EIF2AK4: variants seen among roughly 807,000 people sequenced by gnomAD.
EIF2AK4 encodes eukaryotic translation initiation factor 2 alpha kinase 4.
In EIF2AK4, 139 loss-of-function variants were observed where a neutral mutation model predicts 211.1. The ratio of observed to expected loss-of-function variants is 0.66; its 90% CI spans 0.57 to 0.76. The LOEUF is 0.76. Ranked by LOEUF, EIF2AK4 falls within the 30% of genes least tolerant of loss-of-function variation. The pLI, the probability that EIF2AK4 is intolerant of heterozygous loss-of-function variation, is 0.00. For synonymous variants in EIF2AK4, 710 were observed against 751.3 expected, an observed-to-expected ratio of 0.94 and a Z score of 0.90; for missense variants, 1,664 against 2,043.8, an observed-to-expected ratio of 0.81 and a Z score of 3.58.
intron 18 of EIF2AK4, among the ~76,000 whole-genome samples, chr15:39,995,693 T>G (rs544158259): frequency 1.3e-5 from 2 of 152,282 alleles, no homozygotes; most frequent in Non-Finnish European, 2.9e-5. Context: ...TTTTTATTTT[T>G]ATTTATTTTT....
In EIF2AK4 at chr15:40,030,345, T is replaced by A. The variant is rs537171279; in HGVS notation, c.4562-14T>A. ...CAGATAAGGCCATAAATTCTGAAAC[T>A]CTCTTGGTCTCAGGTTTGTTTGAAA... is the stretch of plus-strand genomic sequence containing the variant. On this transcript the variant is annotated splice_polypyrimidine_tract_variant and intron_variant, in intron 34 of 38. Coordinates refer to ENST00000263791, the MANE Select transcript of EIF2AK4 (RefSeq NM_001013703.4). The A allele has an allele frequency of 4.2e-5, 67 of 1,611,934 alleles. No individual in the cohort carries two copies. Among genetic ancestry groups the A allele is most frequent in the Non-Finnish European group, 5.7e-5 (67 of 1,178,768 alleles).
At chr15:40,000,142 A>G (rs1202398247) in intron 20 of EIF2AK4, among the ~76,000 whole-genome samples, 3 of 152,180 alleles carry the variant, frequency 2.0e-5, no homozygotes, top group Non-Finnish European at 4.4e-5. Context: ...TCAATAGGGT[A>G]TTCTTGTTTT....
chr15:40,007,518 C>T (rs2035177667), intron 24 of EIF2AK4, among the ~76,000 whole-genome samples: 2 of 152,164 alleles, frequency 1.3e-5, no homozygotes, highest in South Asian at 2.1e-4. Context: ...GAACGCTGAG[C>T]GCTGAGGACC....
At chr15:39,972,481 C>G (rs1043426980) in intron 9 of EIF2AK4, among the ~76,000 whole-genome samples, 6 of 152,160 alleles carry the variant, frequency 3.9e-5, no homozygotes, top group Non-Finnish European at 8.8e-5. Flanking sequence ...TAAAGCTCGT[C>G]ATACTGAGCC....
intron 31 of EIF2AK4, 64 bp downstream of exon 31, chr15:40,021,091 C>T (rs2035381435): frequency 1.3e-6 from 2 of 1,573,604 alleles, no homozygotes; most frequent in Non-Finnish European, 8.7e-7. Flanking sequence ...GGCAAATATC[C>T]TCTGCACCTA....
In EIF2AK4 at chr15:39,972,274, C is replaced by G. The variant is rs138851601; in HGVS notation, c.1554-634C>G. Among the ~76,000 whole-genome samples, 471 of 150,074 alleles carry G rather than the reference C, an allele frequency of 3.1e-3. 5 individuals are homozygous for G. The highest frequency in any genetic ancestry group is 0.011 in the African/African-American group (448 of 40,782). On this transcript the variant is annotated intron_variant, in intron 9 of 38. Coordinates refer to ENST00000263791, the MANE Select transcript of EIF2AK4 (RefSeq NM_001013703.4). ...CTGAGATGGGAGGATTGCTTGAGCC[C>G]GGGAGGCAGAAGTTGGAATGAGCTG...
Position 40,001,241 on chromosome 15 carries a change from C to T in EIF2AK4, c.3159+17C>T. 1 of 1,610,418 alleles carries T rather than the reference C, an allele frequency of 6.2e-7. No homozygotes were observed. Among genetic ancestry groups the T allele is most frequent in the Non-Finnish European group, 8.5e-7 (1 of 1,178,394 alleles). On this transcript the variant is annotated intron_variant, in intron 21 of 38. Coordinates refer to ENST00000263791, the MANE Select transcript of EIF2AK4 (RefSeq NM_001013703.4). ...ATACTGAAGGTGGGCTTAAGCCACG[C>T]TGCACAAAGGGAGCTTCACCTTGTC...
chr15:40,001,332 G>A (rs2035088357), intron 21 of EIF2AK4, 108 bp downstream of exon 21: 1 of 1,106,526 alleles, frequency 9.0e-7, no homozygotes, highest in South Asian at 1.5e-5. Flanking sequence ...TCTTATGTGA[G>A]GTATTGGAAG....
At chr15:39,966,128 A>G (rs73388504) in intron 8 of EIF2AK4, among the ~76,000 whole-genome samples, 1 of 152,094 alleles carries the variant, frequency 6.6e-6, no homozygotes, top group East Asian at 1.9e-4. Flanking sequence ...ACTAAATACT[A>G]GTTCATAATT....
intron 32 of EIF2AK4, among the ~76,000 whole-genome samples, chr15:40,025,393 G>A (rs1020863300): frequency 6.6e-6 from 1 of 152,222 alleles, no homozygotes; most frequent in Non-Finnish European, 1.5e-5. Context: ...ATGGAATAGA[G>A]TGAGGGAGAA....
At chr15:39,956,204 C>T (rs573974759) in intron 6 of EIF2AK4, among the ~76,000 whole-genome samples, 83 of 152,148 alleles carry the variant, frequency 5.5e-4, no homozygotes, top group African/African-American at 2.0e-3. Context: ...TGGGGTTTCA[C>T]TGTGTTGGCC....
At chr15:40,029,831 C>T (rs958112290) in intron 34 of EIF2AK4, among the ~76,000 whole-genome samples, 3 of 152,198 alleles carry the variant, frequency 2.0e-5, no homozygotes, top group East Asian at 3.8e-4. Context: ...ATTTTGTTTT[C>T]GTGAAAGCCA....
chr15:39,964,248 A>T (rs2034512623), intron 7 of EIF2AK4, among the ~76,000 whole-genome samples: 1 of 152,216 alleles, frequency 6.6e-6, no homozygotes, highest in Non-Finnish European at 1.5e-5. Context: ...TATGCAGGTT[A>T]CTTCACCTTT....
Position 39,934,142 on chromosome 15 carries a change from C to T in EIF2AK4, c.-54C>T, listed in dbSNP as rs1361831742. 13 of 1,253,238 alleles carry T rather than the reference C, an allele frequency of 1.0e-5. No homozygotes were observed. In the African/African-American group the frequency reaches 1.1e-4, roughly 11 times the overall value. 77.6% of individuals were successfully genotyped at this position (1,253,238 alleles called of 1,614,324 possible). On this transcript the variant is annotated 5_prime_UTR_variant, in exon 1 of 39. Transcript: ENST00000263791. ...CGCGGAGCCCCGCCCCGCAGGCTGC[C>T]GGGGGCCCACCGCCGCCCAGGCAAG...
rs1566982489 is a variant in EIF2AK4 at position 39,949,264 on chromosome 15, A to G, written c.509A>G (p.Gln170Arg). 1 of 1,613,920 alleles carries G rather than the reference A, an allele frequency of 6.2e-7. No individual in the cohort carries two copies. The stretch of plus-strand genomic sequence containing the variant: ...TTGGAGGCCAAGCGGAAAGAAGAGC[A>G]GGAGGTGAGATGCCCTTGTCGATGT... ...RLLEAKRKEE[Q>R]EQREILHEIQ... The change falls in exon 4 of 39, where the codon CAG (glutamine) becomes CGG (arginine). Residue 170 changes from glutamine to arginine, a missense_variant. Physicochemically the swap from Gln to Arg is conservative, Grantham distance 43. This residue lies in a region of EIF2AK4 where 641 missense variants were observed against 729.6 expected (regional missense o/e 0.88). Coordinates refer to ENST00000263791, the MANE Select transcript of EIF2AK4 (RefSeq NM_001013703.4).
Position 39,976,654 on chromosome 15 carries a change from G to A in EIF2AK4, c.2059G>A (p.Ala687Thr), listed in dbSNP as rs765033389. ...TGACCGAGCTGCACGCGGGCAGCCG[G>A]CGAGCGACACAGACGGCCTGGACAG... ...KDDRAARGQP[A>T]SDTDGLDSVE... The change falls in exon 12 of 39, where the codon GCG becomes ACG. Residue 687 changes from alanine (A) to threonine (T), a missense_variant. Ala to Thr is a moderately conservative substitution (Grantham distance 58). This residue lies in a region of EIF2AK4 where 206 missense variants were observed against 201.9 expected (regional missense o/e 1.02). Transcript: ENST00000263791. 24 of 1,603,720 alleles carry A rather than the reference G, an allele frequency of 1.5e-5. No homozygotes were observed. The highest frequency in any genetic ancestry group is 2.0e-5 in the Non-Finnish European group (23 of 1,177,240).
At chr15:40,018,062 C>T (rs1464847034) in intron 29 of EIF2AK4, among the ~76,000 whole-genome samples, 3 of 152,160 alleles carry the variant, frequency 2.0e-5, no homozygotes, top group Non-Finnish European at 4.4e-5. Context: ...CTCTTTACCT[C>T]ATGCCCCATT....
intron 13 of EIF2AK4, among the ~76,000 whole-genome samples, chr15:39,980,197 C>T (rs1250366415): frequency 6.6e-6 from 1 of 152,150 alleles, no homozygotes; most frequent in African/African-American, 2.4e-5. Context: ...GTTGCAGCTA[C>T]CTCATAGGAA....
rs548693968 is a variant in EIF2AK4 at position 39,962,457 on chromosome 15, A to G, written c.859+558A>G. 2.6e-5 allele frequency among the ~76,000 whole-genome samples: 4 copies of G among 152,284 alleles called. No homozygotes were observed. In the South Asian group the frequency reaches 6.2e-4, roughly 24 times the overall value. On this transcript the variant is annotated intron_variant, in intron 7 of 38. Coordinates refer to ENST00000263791, the MANE Select transcript of EIF2AK4 (RefSeq NM_001013703.4). ...TGTAACAAAGTGAATTCTAATGCCT[A>G]TGATCTTTTTTGTTGTTGAGACAGG...
Sources: allele counts gnomAD v4.1 joint callset (sites outside exome capture counted in the v4.1 genomes callset), GRCh38; gene constraint gnomAD v4.1.1; regional missense constraint gnomAD v4.1.1; transcripts MANE v1.5; gene names NCBI Gene and HGNC (gene_info 2026-07-23, HGNC 2026-07-21).